The following HSP90B1 variants were observed in gnomAD, a reference collection of about 807,000 sequenced individuals.
The protein encoded by HSP90B1 is heat shock protein 90 beta family member 1, also known as endoplasmin.
HSP90B1 carries 27 observed loss-of-function variants against 100.4 expected under a neutral mutation model. The ratio of observed to expected loss-of-function variants is 0.27; its 90% confidence interval spans 0.20 to 0.37. The LOEUF (loss-of-function observed/expected upper bound fraction) is 0.37, where lower values mean the gene tolerates loss of function less well. Ranked by LOEUF, HSP90B1 falls within the 10% of genes least tolerant of loss-of-function variation. The pLI, the probability that HSP90B1 is intolerant of heterozygous loss-of-function variation, is 1.00. For synonymous variants in HSP90B1, 304 were observed against 330.8 expected (o/e 0.92, Z 0.88); for missense variants, 678 against 960.5 (o/e 0.71, Z 3.89).
At chr12:103,938,848 GA>G (rs1355174229) in intron 7 of HSP90B1, 1 of 152,670 alleles carries the variant, frequency 6.6e-6, no homozygotes, top group East Asian at 1.9e-4. Context: ...TGGTGGTTGA[GA>G]AATATTTTTG....
At chr12:103,938,601 CTTTG>C (rs1350674526) in intron 7 of HSP90B1, 142 bp downstream of exon 7, 2 of 867,964 alleles carry the variant, frequency 2.3e-6, no homozygotes, top group African/African-American at 1.7e-5. Flanking sequence ...AAAATAAGGC[CTTTG>C]TTTGTATGTT....
intron 7 of HSP90B1, chr12:103,938,742 C>G (rs1409407599): frequency 5.7e-6 from 1 of 175,360 alleles, no homozygotes; most frequent in Non-Finnish European, 1.2e-5. Context: ...TCTTAAAAAG[C>G]CTTCTGAGTC....
At chr12:103,931,784 C>T in intron 2 of HSP90B1, 161 bp downstream of exon 2, 1 of 674,764 alleles carries the variant, frequency 1.5e-6, no homozygotes, top group East Asian at 3.0e-5. Flanking sequence ...TAACTTGTCC[C>T]TAGGAGTGAT....
At chr12:103,934,513 G>T (rs1869850004) in intron 5 of HSP90B1, among the ~76,000 whole-genome samples, 1 of 151,980 alleles carries the variant, frequency 6.6e-6, no homozygotes, top group East Asian at 1.9e-4. Flanking sequence ...GTAGGAAATA[G>T]CAGCAGCTTC....
intron 3 of HSP90B1, 123 bp downstream of exon 3, chr12:103,932,541 C>T (rs1405434380): frequency 1.3e-6 from 1 of 784,834 alleles, no homozygotes; most frequent in Non-Finnish European, 2.0e-6. Flanking sequence ...CCTTTAAATA[C>T]CTAATATGTC....
chr12:103,939,018 G>T (rs1241870448), intron 7 of HSP90B1, among the ~76,000 whole-genome samples: 1 of 151,328 alleles, frequency 6.6e-6, no homozygotes, highest in East Asian at 1.9e-4. Flanking sequence ...TTGTCTTTTT[G>T]AATTAAATAT....
In HSP90B1 at chr12:103,943,004, A is replaced by G; in HGVS notation, c.1645-70A>G. The G allele has an allele frequency of 1.3e-6, 2 of 1,560,760 alleles. No individual in the cohort carries two copies. Among genetic ancestry groups the G allele is most frequent in the Admixed American group, 3.7e-5 (2 of 53,652 alleles). On this transcript the variant is annotated intron_variant, in intron 12 of 17. Transcript: ENST00000299767. This position sits in a 1 kb window ranked among gnomAD's most constrained non-coding sequence, Gnocchi z 5.3. ...GGAGTTTTTAATAATGTATAAACATAGCAGCTGCTAGGATAAACAAATACA... is the reference window on the plus strand; with the variant it reads ...GGAGTTTTTAATAATGTATAAACATGGCAGCTGCTAGGATAAACAAATACA...
At chr12:103,946,718 T>A in intron 15 of HSP90B1, 22 bp downstream of exon 15, 2 of 1,612,786 alleles carry the variant, frequency 1.2e-6, no homozygotes, top group Non-Finnish European at 8.5e-7. Context: ...GCAGTCCTCT[T>A]GCTTGTCTTT....
At position 103,947,419 on chromosome 12, in the gene HSP90B1, G is replaced by C. The variant is rs199613394; in HGVS notation, c.2371G>C (p.Glu791Gln). The change falls in exon 17 of 18, where the codon GAA becomes CAA. Residue 791 changes from glutamate (E) to glutamine (Q), a missense_variant. Coordinates refer to ENST00000299767, the MANE Select transcript of HSP90B1 (RefSeq NM_003299.3). ...EMDVGTDEEE[E>Q]TAKESTAEKD... The stretch of plus-strand genomic sequence containing the variant: ...GGATGTGGGAACAGATGAAGAAGAA[G>C]AAACAGCAAAGGTATGGCAAATCAA... The C allele has an allele frequency of 6.3e-7, 1 of 1,598,280 alleles. No homozygotes were observed. Among genetic ancestry groups the C allele is most frequent in the Non-Finnish European group, 8.6e-7 (1 of 1,168,168 alleles).
At chr12:103,941,761 A>C (rs1870087056) in intron 10 of HSP90B1, 55 bp downstream of exon 10, 2 of 1,600,924 alleles carry the variant, frequency 1.2e-6, no homozygotes, top group Non-Finnish European at 1.7e-6. Flanking sequence ...CTGGCAGTGT[A>C]GAGTGTTTGT....
At chr12:103,935,757 A>C (rs1869895973) in intron 5 of HSP90B1, among the ~76,000 whole-genome samples, 1 of 152,212 alleles carries the variant, frequency 6.6e-6, no homozygotes, top group Non-Finnish European at 1.5e-5. Context: ...TTGGAGAAGG[A>C]TAGGGCAATC....
chr12:103,945,553 G>A (rs1870201342), intron 14 of HSP90B1, among the ~76,000 whole-genome samples: 1 of 152,136 alleles, frequency 6.6e-6, no homozygotes, highest in Non-Finnish European at 1.5e-5. Flanking sequence ...TCGTGGAGAA[G>A]GTATTATTAT....
rs1273085634 is a variant in HSP90B1 at position 103,932,322 on chromosome 12, A to G, written c.198A>G (p.Ile66Met). The G allele has an allele frequency of 1.2e-6, 2 of 1,613,100 alleles. No homozygotes were observed. Among genetic ancestry groups the G allele is most frequent in the Non-Finnish European group, 1.7e-6 (2 of 1,179,510 alleles). ...IQLDGLNASQIRELREKSEKF... is the reference protein window; with the variant it reads ...IQLDGLNASQMRELREKSEKF... ...TGGATGGATTAAATGCATCACAAATAAGAGAACTTAGAGAGAAGTCGGAAA... is the reference window on the plus strand; with the variant it reads ...TGGATGGATTAAATGCATCACAAATGAGAGAACTTAGAGAGAAGTCGGAAA... The change falls in exon 3 of 18, where the codon ATA (isoleucine) becomes ATG (methionine). Residue 66 changes from isoleucine to methionine, a missense_variant. Transcript: ENST00000299767.
At chr12:103,941,304 G>T in intron 8 of HSP90B1, 106 bp from the exon 9 acceptor site, 3 of 1,151,836 alleles carry the variant, frequency 2.6e-6, no homozygotes, top group Non-Finnish European at 2.4e-6. Flanking sequence ...AAAATTTTTT[G>T]TTAGTTAATT....
chr12:103,946,580 GAT>G (rs763964579), intron 14 of HSP90B1, 36 bp from the exon 15 acceptor site: 24 of 1,424,050 alleles, frequency 1.7e-5, no homozygotes, highest in African/African-American at 7.0e-5. Flanking sequence ...CCTAAAATTG[GAT>G]ATGTTTTGTT....
intron 10 of HSP90B1, 40 bp downstream of exon 10, chr12:103,941,746 G>A: frequency 6.2e-7 from 1 of 1,603,336 alleles, no homozygotes; most frequent in East Asian, 2.2e-5. Context: ...GATTGTTGTG[G>A]GGGTCTGGCA....
rs773054301 is a variant in HSP90B1 at position 103,947,722 on chromosome 12, T to C, written c.*60T>C. 2.1e-6 allele frequency: 3 copies of C among 1,417,510 alleles called. No homozygotes were observed. In the East Asian group the frequency reaches 6.8e-5, roughly 32 times the overall value. 87.8% of individuals were successfully genotyped at this position (1,417,510 alleles called of 1,614,324 possible). A position where few individuals can be genotyped will look rare whatever the true frequency, so the allele number is the denominator to read the frequency against. Reference sequence around the variant, plus strand: ...GGGAATGTGAAATTTACATCATTTCTTTTTGGGAGAGACTTGTTTTGGATG... The same window carrying C: ...GGGAATGTGAAATTTACATCATTTCCTTTTGGGAGAGACTTGTTTTGGATG... On this transcript the variant is annotated 3_prime_UTR_variant, in exon 18 of 18. Coordinates refer to ENST00000299767, the MANE Select transcript of HSP90B1 (RefSeq NM_003299.3).
rs762557855 is a variant in HSP90B1, at chr12:103,943,221, T to G, written c.1792T>G (p.Phe598Val). ...GAATGTTGCCAAGGAAGGAGTGAAG[T>G]TCGATGAAAGTGAGAAAACTAAGGA... ...FQNVAKEGVK[F>V]DESEKTKESR... is the part of the protein sequence containing the mutation. Residue 598 changes from phenylalanine to valine, a missense_variant, in exon 13 of 18, where the codon TTC becomes GTC. Phe to Val is a conservative substitution (Grantham distance 50, BLOSUM62 -1). This residue lies in a region of HSP90B1 where 170 missense variants were observed against 236.7 expected (regional missense o/e 0.72). Transcript: ENST00000299767. This position sits in a 1 kb window ranked among gnomAD's most constrained non-coding sequence, Gnocchi z 5.3. 1 of 1,614,054 alleles carries G rather than the reference T, an allele frequency of 6.2e-7. No individual in the cohort carries two copies. Among genetic ancestry groups the G allele is most frequent in the East Asian group, 2.2e-5 (1 of 44,872 alleles).
intron 1 of HSP90B1, 121 bp from the exon 2 acceptor site, chr12:103,931,400 A>G (rs1484928180): frequency 3.1e-6 from 2 of 653,758 alleles, no homozygotes; most frequent in Non-Finnish European, 5.5e-6. Context: ...CAGGGAATGC[A>G]CTCTTTCATC....
Sources: allele counts gnomAD v4.1 joint callset (sites outside exome capture counted in the v4.1 genomes callset), GRCh38; gene constraint gnomAD v4.1.1; regional missense constraint gnomAD v4.1.1; non-coding constraint Gnocchi (gnomAD v3.1); transcripts MANE v1.5; gene names NCBI Gene and HGNC (gene_info 2026-07-23, HGNC 2026-07-21).